Variants in USP13 observed in about 807,000 individuals in gnomAD.
USP13 encodes ubiquitin specific peptidase 13, also known as ubiquitin carboxyl-terminal hydrolase 13.
USP13 carries 68 observed loss-of-function variants against 107.8 expected under a neutral mutation model. That is an observed-to-expected ratio of 0.63 (90% CI 0.52 to 0.77). The LOEUF (loss-of-function observed/expected upper bound fraction) is 0.77, where lower values mean the gene tolerates loss of function less well. Among genes scored for constraint, USP13 ranks in the 30% least tolerant of loss-of-function variants. The probability of loss-of-function intolerance (pLI) is 0.00; values close to 1 mark genes in which losing one functional copy is unlikely to be tolerated. For synonymous variants in USP13, 377 were observed against 389.5 expected, an observed-to-expected ratio of 0.97 and a Z score of 0.38; for missense variants, 945 against 1,093.3, an observed-to-expected ratio of 0.86 and a Z score of 1.91.
chr3:179,725,542 C>G (rs907973311), intron 8 of USP13, among the ~76,000 whole-genome samples: 3 of 151,910 alleles, frequency 2.0e-5, no homozygotes, highest in Non-Finnish European at 4.4e-5. Context: ...CTGTGGACAG[C>G]AGGTGCCTAG....
chr3:179,757,005 C>A (rs1714829900), intron 15 of USP13, 47 bp from the exon 16 acceptor site: 2 of 1,608,522 alleles, frequency 1.2e-6, no homozygotes, highest in African/African-American at 2.7e-5. Context: ...TCTAAAACTC[C>A]TCAACATGGT....
chr3:179,751,046 A>C (rs1414639733), intron 13 of USP13, among the ~76,000 whole-genome samples: 1 of 152,284 alleles, frequency 6.6e-6, no homozygotes, highest in South Asian at 2.1e-4. Flanking sequence ...GATATTCTAG[A>C]ATTTTTTATT....
Position 179,701,038 on chromosome 3 carries a change from A to G in USP13, c.386A>G (p.Asp129Gly). The G allele has an allele frequency of 1.9e-6, 3 of 1,613,944 alleles. No individual in the cohort carries two copies. Among genetic ancestry groups the G allele is most frequent in the Non-Finnish European group, 2.5e-6 (3 of 1,180,012 alleles). Residue 129 changes from aspartate (D) to glycine (G), a missense_variant, in exon 4 of 21, where the codon GAC becomes GGC. By Grantham distance (94) the Asp-to-Gly change is moderately conservative. Transcript: ENST00000263966. ...DLDTDDDLNS[D>G]DYEYEDEAKL... ...GATACTGATGACGATTTAAATAGCG[A>G]CGATTATGAATATGAAGATGAAGCC...
chr3:179,750,384 T>G (rs1714570150), intron 13 of USP13, among the ~76,000 whole-genome samples: 1 of 148,658 alleles, frequency 6.7e-6, no homozygotes, highest in Non-Finnish European at 1.5e-5. Flanking sequence ...TGTTGTTTTT[T>G]TGGTGCAGTT....
intron 12 of USP13, among the ~76,000 whole-genome samples, chr3:179,743,684 T>G (rs9869096): frequency 0.44 from 66,824 of 151,804 alleles, 15,276 homozygotes; most frequent in East Asian, 0.63. Flanking sequence ...TGTCTGCTCA[T>G]GTCCATGATC....
rs71182509 is a variant in USP13, at chr3:179,687,659, CAAAAA to C, written c.295-2560_295-2556del. 8.8e-3 allele frequency among the ~76,000 whole-genome samples: 163 copies of C among 18,520 alleles called. 5 individuals carry two copies. Among genetic ancestry groups the C allele is most frequent in the Middle Eastern group, 0.025 (1 of 40 alleles). The allele number at this position is 18,520 out of a possible 152,430, so 12.1% of individuals were successfully genotyped here. On this transcript the variant is annotated intron_variant, in intron 2 of 20. Coordinates refer to ENST00000263966, the MANE Select transcript of USP13 (RefSeq NM_003940.3). The stretch of plus-strand genomic sequence containing the variant: ...GGGCAACAAGAGTGAAACTCTGTCT[CAAAAA>C]AAAAAAAAAAAAAAAAAAAAAGGAC...
intron 8 of USP13, among the ~76,000 whole-genome samples, chr3:179,728,055 G>A (rs1260603339): frequency 4.4e-5 from 3 of 68,834 alleles, no homozygotes; most frequent in African/African-American, 1.3e-4. Flanking sequence ...CGGACGGGGC[G>A]GCTGGCCGGG....
intron 1 of USP13, among the ~76,000 whole-genome samples, chr3:179,673,499 G>A (rs1287812434): frequency 6.6e-6 from 1 of 152,202 alleles, no homozygotes; most frequent in Non-Finnish European, 1.5e-5. Flanking sequence ...AGCTTCTAAA[G>A]GTACTGGCGG....
At chr3:179,777,234 T>C (rs371415171) in intron 19 of USP13, among the ~76,000 whole-genome samples, 1 of 152,068 alleles carries the variant, frequency 6.6e-6, no homozygotes, top group Non-Finnish European at 1.5e-5. Flanking sequence ...TGTTTGGATA[T>C]AGTGGGATGT....
At chr3:179,756,391 C>T (rs1355647441) in intron 15 of USP13, among the ~76,000 whole-genome samples, 1 of 151,748 alleles carries the variant, frequency 6.6e-6, no homozygotes, top group African/African-American at 2.4e-5. Context: ...AGCCTGGCGG[C>T]AGAGCGAGAC....
intron 16 of USP13, 199 bp downstream of exon 16, chr3:179,757,277 A>G (rs1714841924): frequency 1.7e-6 from 1 of 580,104 alleles, no homozygotes; most frequent in Non-Finnish European, 3.1e-6. Flanking sequence ...GACCATTAGC[A>G]TGAAGCTAAC....
intron 3 of USP13, among the ~76,000 whole-genome samples, chr3:179,691,958 T>C (rs1301548829): frequency 3.9e-5 from 6 of 152,236 alleles, no homozygotes; most frequent in Admixed American, 2.0e-4. Flanking sequence ...TTTGAAAGGA[T>C]TTGCAAAATT....
chr3:179,726,119 G>A (rs1190281116), intron 8 of USP13, among the ~76,000 whole-genome samples: 7 of 152,058 alleles, frequency 4.6e-5, no homozygotes, highest in African/African-American at 1.4e-4. Flanking sequence ...GGGTGGGGGC[G>A]GCCCCTCTTG....
intron 8 of USP13, among the ~76,000 whole-genome samples, chr3:179,722,795 A>G (rs800366): frequency 0.01 from 1,546 of 152,296 alleles, 19 homozygotes; most frequent in Non-Finnish European, 0.013. Context: ...AAAAAGCATC[A>G]TCTGTCTGAG....
Position 179,653,385 on chromosome 3 carries a change from G to C in USP13, c.160G>C (p.Asp54His), listed in dbSNP as rs980045471. The change falls in exon 1 of 21, where the codon GAC (aspartate) becomes CAC (histidine). Residue 54 changes from aspartate (D) to histidine (H), a missense_variant. Asp to His is a moderately conservative substitution (Grantham distance 81). Coordinates refer to ENST00000263966, the MANE Select transcript of USP13 (RefSeq NM_003940.3). This position sits in a 1 kb window ranked among gnomAD's most constrained non-coding sequence, Gnocchi z 4.0. Reference sequence around the variant, plus strand: ...CAAGAACGAGTGCGCCTTCTCCTACGACTCTCCCGTAAGTGAGGCGCCTCG... The same window carrying C: ...CAAGAACGAGTGCGCCTTCTCCTACCACTCTCCCGTAAGTGAGGCGCCTCG... The part of the protein sequence containing the change: ...VYKNECAFSY[D>H]SPNSEGGLYV... 6.4e-7 allele frequency: 1 copy of C among 1,560,986 alleles called. No homozygotes were observed. The highest frequency in any genetic ancestry group is 1.2e-5 in the South Asian group (1 of 84,698).
chr3:179,730,105 G>T lies in USP13; in HGVS notation c.1089-84G>T, dbSNP rs536891159. On this transcript the variant is annotated intron_variant, in intron 8 of 20. Transcript: ENST00000263966. ...TTTAGTTTGACAAAGGGGCAAGAAG[G>T]TCTTAGCAAGAATTTTGATGGCTTG... is the stretch of plus-strand genomic sequence containing the variant. The T allele has an allele frequency of 1.5e-4, 187 of 1,288,856 alleles. No individual in the cohort carries two copies. In the East Asian group the frequency reaches 3.8e-3, roughly 26 times the overall value. 79.8% of individuals were successfully genotyped at this position (1,288,856 alleles called of 1,614,324 possible). A position where few individuals can be genotyped will look rare whatever the true frequency, so the allele number is the denominator to read the frequency against.
chr3:179,787,252 G>A lies in USP13; in HGVS notation c.*3111G>A, dbSNP rs1333294936. On this transcript the variant is annotated 3_prime_UTR_variant, in exon 21 of 21. Coordinates refer to ENST00000263966, the MANE Select transcript of USP13 (RefSeq NM_003940.3). ...CATTTATTCCCTTTACCTGAACAGA[G>A]CCTTACCTGCAATTCATAGTGAGAG... is the stretch of plus-strand genomic sequence containing the variant. The A allele has an allele frequency of 6.6e-6, 1 of 152,220 alleles. No homozygotes were observed. 9.4% of individuals were successfully genotyped at this position (152,220 alleles called of 1,614,324 possible).
At chr3:179,745,699 C>T (rs1469794963) in intron 13 of USP13, among the ~76,000 whole-genome samples, 1 of 152,090 alleles carries the variant, frequency 6.6e-6, no homozygotes, top group Non-Finnish European at 1.5e-5. Flanking sequence ...CATATTTAAA[C>T]TCCATTGTGC....
At chr3:179,745,626 C>A (rs568960022) in intron 13 of USP13, among the ~76,000 whole-genome samples, 1 of 152,062 alleles carries the variant, frequency 6.6e-6, no homozygotes, top group African/African-American at 2.4e-5. Flanking sequence ...CAATCCCCTA[C>A]CCGCAAATGG....
Sources: gnomAD v4.1 joint callset for allele counts (sites outside exome capture counted in the v4.1 genomes callset) on GRCh38, gnomAD v4.1.1 for gene constraint, Gnocchi (gnomAD v3.1) non-coding constraint, MANE v1.5 for transcripts, NCBI Gene and HGNC (gene_info 2026-07-23, HGNC 2026-07-21) for gene names.